Variants in RPTOR observed in about 807,000 individuals in gnomAD.
RPTOR encodes the protein regulatory associated protein of MTOR complex 1, also known as regulatory-associated protein of mTOR.
Under a neutral mutation model 169.9 loss-of-function variants are expected in RPTOR, and 21 were observed. The ratio of observed to expected loss-of-function variants is 0.12; its 90% CI spans 0.09 to 0.18. RPTOR has a LOEUF of 0.18. Among genes scored for constraint, RPTOR ranks in the 10% least tolerant of loss-of-function variants. The pLI is 1.00. For missense variants in RPTOR, 1,133 were observed against 1,855.9 expected (o/e 0.61, Z 7.16); for synonymous variants, 732 against 753.2 (o/e 0.97, Z 0.46).
intron 7 of RPTOR, among the ~76,000 whole-genome samples, chr17:80,821,821 G>T (rs1219304858): frequency 1.3e-5 from 2 of 152,184 alleles, no homozygotes; most frequent in Non-Finnish European, 2.9e-5. Flanking sequence ...ACAGCGTTCG[G>T]TGGCTGAGGT....
chr17:80,692,927 T>C (rs1374178972), intron 3 of RPTOR, among the ~76,000 whole-genome samples: 1 of 152,242 alleles, frequency 6.6e-6, no homozygotes, highest in African/African-American at 2.4e-5. Context: ...ACTGAAATGT[T>C]TTAATAATAT....
chr17:80,794,047 C>G (rs2067076547), intron 7 of RPTOR, among the ~76,000 whole-genome samples: 1 of 152,178 alleles, frequency 6.6e-6, no homozygotes, highest in Non-Finnish European at 1.5e-5. Flanking sequence ...TGCACAGCAA[C>G]ATGACATCCT....
chr17:80,665,388 C>A (rs1366640317), intron 3 of RPTOR, among the ~76,000 whole-genome samples: 6 of 5,732 alleles, frequency 1.0e-3, no homozygotes, highest in Non-Finnish European at 1.6e-3. Context: ...CTTTCCTTTC[C>A]TTTCCTTTCC....
intron 1 of RPTOR, among the ~76,000 whole-genome samples, chr17:80,561,239 TTATATATATATGTATATATATATGTATA>T (rs71163966): frequency 0.2 from 23,414 of 115,044 alleles, 2,233 homozygotes; most frequent in East Asian, 0.3. Context: ...CCCGGCTAAT[TTATATATATATGTATATATATATGTATA>T]TATATATATA....
intron 4 of RPTOR, among the ~76,000 whole-genome samples, chr17:80,715,557 G>T (rs192351144): frequency 4.0e-5 from 6 of 151,458 alleles, no homozygotes; most frequent in Non-Finnish European, 8.8e-5. Flanking sequence ...ACATGGGTGG[G>T]TAGATGAATG....
At chr17:80,946,374 A>G (rs1014766938) in intron 26 of RPTOR, among the ~76,000 whole-genome samples, 15 of 152,232 alleles carry the variant, frequency 9.9e-5, no homozygotes, top group Admixed American at 7.9e-4. Flanking sequence ...CTGAGTGCGC[A>G]GCCAGTGGCA....
chr17:80,645,043 T>G (rs2065583362), intron 3 of RPTOR, among the ~76,000 whole-genome samples: 1 of 152,212 alleles, frequency 6.6e-6, no homozygotes, highest in Non-Finnish European at 1.5e-5. Context: ...GTAGCCTTTT[T>G]CTTGAGGGCG....
chr17:80,552,878 C>T (rs2084362482), intron 1 of RPTOR, among the ~76,000 whole-genome samples: 1 of 152,144 alleles, frequency 6.6e-6, no homozygotes, highest in Non-Finnish European at 1.5e-5. Context: ...GTTAAGAGGT[C>T]AGGGGGTTGA....
intron 25 of RPTOR, among the ~76,000 whole-genome samples, chr17:80,944,974 G>A (rs1216325429): frequency 7.0e-6 from 1 of 143,188 alleles, no homozygotes; most frequent in Non-Finnish European, 1.5e-5. Context: ...CTGGGTGACA[G>A]AGCAAGACTC....
rs543233209 is a variant in RPTOR, at chr17:80,820,712, G to T, written c.891-1489G>T. 6.6e-6 allele frequency among the ~76,000 whole-genome samples: 1 copy of T among 152,288 alleles called. No individual in the cohort carries two copies. The highest frequency in any genetic ancestry group is 2.4e-5 in the African/African-American group (1 of 41,562). On this transcript the variant is annotated intron_variant, in intron 7 of 33. Transcript: ENST00000306801. This position sits in a 1 kb window ranked among gnomAD's most constrained non-coding sequence, Gnocchi z 4.1. The stretch of plus-strand genomic sequence containing the variant: ...TTGTTCTGAAGCGAGAGCAGACTGG[G>T]GAGAAGGAGGAGGGGCTGAGACGAG...
At chr17:80,953,906 C>T (rs1358792616) in intron 28 of RPTOR, among the ~76,000 whole-genome samples, 1 of 152,244 alleles carries the variant, frequency 6.6e-6, no homozygotes, top group African/African-American at 2.4e-5. Flanking sequence ...GCCTGTGATC[C>T]ACCACGGCGC....
chr17:80,922,536 T>C (rs1254683684), intron 21 of RPTOR, among the ~76,000 whole-genome samples, 188 bp from the exon 22 acceptor site: 1 of 152,212 alleles, frequency 6.6e-6, no homozygotes, highest in Non-Finnish European at 1.5e-5. Context: ...GAGTAAAGAA[T>C]ACCACTTGAG....
At position 80,891,785 on chromosome 17, in the gene RPTOR, G is replaced by A. The variant is rs2143868265; in HGVS notation, c.2049G>A (p.Leu683=). The change falls in exon 18 of 34, where the codon CTG becomes CTA. Residue 683 remains leucine (L), a synonymous_variant. Coordinates refer to ENST00000306801, the MANE Select transcript of RPTOR (RefSeq NM_020761.3). ...QYESNFCTVA[L]QFIEEEKNYA... ...AAAGCAATTTCTGCACCGTGGCCCT[G>A]CAGTTCATAGAAGAGGAAAAGAACT... The A allele has an allele frequency of 6.2e-7, 1 of 1,614,098 alleles. No individual in the cohort carries two copies. The highest frequency in any genetic ancestry group is 8.5e-7 in the Non-Finnish European group (1 of 1,180,004).
In RPTOR at chr17:80,545,614, A is replaced by T. The variant is rs773365928; in HGVS notation, c.-16A>T. 3.1e-6 allele frequency: 5 copies of T among 1,594,098 alleles called. No individual in the cohort carries two copies. Among genetic ancestry groups the T allele is most frequent in the Non-Finnish European group, 4.3e-6 (5 of 1,169,272 alleles). The stretch of plus-strand genomic sequence containing the variant: ...AGCGCTTGCTGCCAAGGACTCCCCC[A>T]CCCCCTCCCCCACTGATGGAGTCCG... On this transcript the variant is annotated 5_prime_UTR_variant, in exon 1 of 34. Coordinates refer to ENST00000306801, the MANE Select transcript of RPTOR (RefSeq NM_020761.3).
chr17:80,808,271 T>A (rs1373198840), intron 7 of RPTOR, among the ~76,000 whole-genome samples: 1 of 151,862 alleles, frequency 6.6e-6, no homozygotes, highest in African/African-American at 2.4e-5. Flanking sequence ...CAGAAAAAAT[T>A]AAAATCAGCT....
chr17:80,787,729 C>T (rs796343425), intron 6 of RPTOR, among the ~76,000 whole-genome samples: 4 of 152,098 alleles, frequency 2.6e-5, no homozygotes, highest in Admixed American at 6.5e-5. Context: ...AATGATATCT[C>T]GTGTAGCCTG....
chr17:80,788,765 A>C (rs973601295), intron 6 of RPTOR, among the ~76,000 whole-genome samples: 1 of 152,244 alleles, frequency 6.6e-6, no homozygotes, highest in Admixed American at 6.5e-5. Context: ...GTCGCCAAAT[A>C]ATAAGCACTA....
intron 7 of RPTOR, among the ~76,000 whole-genome samples, chr17:80,807,609 C>T (rs1019989237): frequency 8.5e-5 from 13 of 152,200 alleles, no homozygotes; most frequent in Non-Finnish European, 1.6e-4. Context: ...ACCTTGGCTT[C>T]CCAAAGGGCT....
chr17:80,965,879 T>C lies in RPTOR; in HGVS notation c.*1549T>C, dbSNP rs1396998098. 2 of 233,118 alleles carry C rather than the reference T, an allele frequency of 8.6e-6. No homozygotes were observed. The highest frequency in any genetic ancestry group is 1.7e-5 in the Non-Finnish European group (2 of 118,128). 14.4% of individuals were successfully genotyped at this position (233,118 alleles called of 1,614,324 possible). ...GAAGAAGGTTCCGGCACGAATCCCA[T>C]CCCCACGTCTGGGCCGAGAAAGCAG... On this transcript the variant is annotated 3_prime_UTR_variant, in exon 34 of 34. Coordinates refer to ENST00000306801, the MANE Select transcript of RPTOR (RefSeq NM_020761.3).
Sources: gnomAD v4.1 joint callset for allele counts (sites outside exome capture counted in the v4.1 genomes callset) on GRCh38, gnomAD v4.1.1 for gene constraint, Gnocchi (gnomAD v3.1) non-coding constraint, MANE v1.5 for transcripts, NCBI Gene and HGNC (gene_info 2026-07-23, HGNC 2026-07-21) for gene names.